Variants in MAN1A2 observed in about 807,000 individuals in gnomAD.
MAN1A2 encodes the protein mannosyl-oligosaccharide 1,2-alpha-mannosidase IB.
A neutral mutation model predicts 75.7 loss-of-function variants in MAN1A2; 26 were observed. The observed-to-expected ratio is 0.34, with a 90% CI of 0.25 to 0.48. MAN1A2 has a LOEUF of 0.48. Among genes scored for constraint, MAN1A2 ranks in the 20% least tolerant of loss-of-function variants. The probability of loss-of-function intolerance (pLI) is 0.99; values close to 1 mark genes in which losing one functional copy is unlikely to be tolerated. For synonymous variants in MAN1A2, 247 were observed against 264.6 expected (o/e 0.93, Z 0.65); for missense variants, 562 against 775.5 (o/e 0.72, Z 3.27).
At chr1:117,446,590 G>A (rs1160011579) in intron 6 of MAN1A2, among the ~76,000 whole-genome samples, 2 of 151,874 alleles carry the variant, frequency 1.3e-5, no homozygotes, top group South Asian at 2.1e-4. Context: ...ATTTTAGGAC[G>A]TTTCTTAGAT....
chr1:117,377,368 G>T (rs1034110396), intron 1 of MAN1A2, among the ~76,000 whole-genome samples: 2 of 152,196 alleles, frequency 1.3e-5, no homozygotes, highest in African/African-American at 4.8e-5. Context: ...AGTGCCGTTG[G>T]TGTAAATGTA....
chr1:117,443,067 T>G (rs763065472), intron 6 of MAN1A2, among the ~76,000 whole-genome samples: 2 of 152,218 alleles, frequency 1.3e-5, no homozygotes, highest in Non-Finnish European at 2.9e-5. Flanking sequence ...TAGTAAAATT[T>G]ATTCATCATA....
intron 1 of MAN1A2, among the ~76,000 whole-genome samples, chr1:117,369,195 G>A (rs960729514): frequency 4.6e-5 from 7 of 152,182 alleles, no homozygotes; most frequent in Admixed American, 6.5e-5. Context: ...TAGATGGACT[G>A]TGTCAAGCAA....
chr1:117,374,190 C>T (rs947367756), intron 1 of MAN1A2, among the ~76,000 whole-genome samples: 11 of 151,802 alleles, frequency 7.2e-5, no homozygotes, highest in Admixed American at 1.3e-4. Context: ...TGCCTGTAGT[C>T]GGAGGCTGAG....
At position 117,523,029 on chromosome 1, in the gene MAN1A2, G is replaced by C; in HGVS notation, c.*72G>C. 6.4e-7 allele frequency: 1 copy of C among 1,569,322 alleles called. No homozygotes were observed. The highest frequency in any genetic ancestry group is 1.1e-5 in the South Asian group (1 of 88,666). ...ACCACTACAGAAATTAGTTTGAAGG[G>C]GCGGCTTTTGAAAACCTGGACCTCT... On this transcript the variant is annotated 3_prime_UTR_variant, in exon 13 of 13. Transcript: ENST00000356554.
chr1:117,500,554 C>T (rs1651169448), intron 11 of MAN1A2, among the ~76,000 whole-genome samples: 1 of 151,708 alleles, frequency 6.6e-6, no homozygotes, highest in African/African-American at 2.4e-5. Flanking sequence ...ACAGCCATAA[C>T]CTAGGAATAA....
In MAN1A2 at chr1:117,376,488, C is replaced by T. The variant is rs151014689; in HGVS notation, c.302+8003C>T. Among the ~76,000 whole-genome samples, 632 of 152,370 alleles carry T rather than the reference C, an allele frequency of 4.1e-3. 1 individual carries two copies. The highest frequency in any genetic ancestry group is 0.012 in the African/African-American group (508 of 41,584). The stretch of plus-strand genomic sequence containing the variant: ...AAAGGCTCGCGCCAAGGCTCGCTCA[C>T]GCCCAGAGAGTAAAGCCATGTTGAA... On this transcript the variant is annotated intron_variant, in intron 1 of 12. Transcript: ENST00000356554.
Position 117,441,576 on chromosome 1 carries a change from A to C in MAN1A2, c.856-655A>C, listed in dbSNP as rs531452110. 8.1e-4 allele frequency among the ~76,000 whole-genome samples: 124 copies of C among 152,300 alleles called. 2 individuals are homozygous for C. Among genetic ancestry groups the C allele is most frequent in the Non-Finnish European group, 1.4e-3 (92 of 68,002 alleles). The stretch of plus-strand genomic sequence containing the variant: ...TATTGGGATATACTAAGAAAATAGT[A>C]GAAATTTTTCTATATACATCTTGAT... On this transcript the variant is annotated intron_variant, in intron 5 of 12. Transcript: ENST00000356554.
In MAN1A2 at chr1:117,414,676, A is replaced by G. The variant is rs369496872; in HGVS notation, c.656-37A>G. 17 of 1,045,562 alleles carry G rather than the reference A, an allele frequency of 1.6e-5. No homozygotes were observed. In the African/African-American group the frequency reaches 2.3e-4, roughly 14 times the overall value. The allele number at this position is 1,045,562 out of a possible 1,614,324, so 64.8% of individuals were successfully genotyped here. On this transcript the variant is annotated intron_variant, in intron 3 of 12. Transcript: ENST00000356554. Reference sequence around the variant, plus strand: ...CCAAAGAGAACAGGAACCTAAAGGGATCTTTTTAATGATAATTTTTTTCTT... The same window carrying G: ...CCAAAGAGAACAGGAACCTAAAGGGGTCTTTTTAATGATAATTTTTTTCTT...
chr1:117,433,970 A>G (rs1359901443), intron 5 of MAN1A2, among the ~76,000 whole-genome samples: 1 of 152,184 alleles, frequency 6.6e-6, no homozygotes, highest in Non-Finnish European at 1.5e-5. Flanking sequence ...ATTATATGGC[A>G]TTTGCAGCAG....
intron 1 of MAN1A2, among the ~76,000 whole-genome samples, chr1:117,399,340 A>G (rs779963749): frequency 1.3e-5 from 2 of 152,182 alleles, no homozygotes; most frequent in African/African-American, 4.8e-5. Context: ...ACTTGGGGAT[A>G]ATGTGGTACG....
chr1:117,496,703 A>G (rs1302284615), intron 9 of MAN1A2, 60 bp from the exon 10 acceptor site: 15 of 1,201,354 alleles, frequency 1.2e-5, no homozygotes, highest in African/African-American at 9.1e-5. Flanking sequence ...AGAAGGATAT[A>G]GTAAGTTTGA....
intron 1 of MAN1A2, among the ~76,000 whole-genome samples, chr1:117,401,293 T>A (rs1051460062): frequency 1.3e-5 from 2 of 152,194 alleles, no homozygotes; most frequent in Non-Finnish European, 2.9e-5. Flanking sequence ...TACACCATTT[T>A]ACATTCTCAC....
At chr1:117,512,900 C>T (rs1183130418) in intron 12 of MAN1A2, among the ~76,000 whole-genome samples, 1 of 152,150 alleles carries the variant, frequency 6.6e-6, no homozygotes, top group Middle Eastern at 3.4e-3. Flanking sequence ...GTAGAGGGAG[C>T]TACAACCCAA....
intron 5 of MAN1A2, among the ~76,000 whole-genome samples, chr1:117,427,857 G>C (rs1648427438): frequency 6.6e-6 from 1 of 152,120 alleles, no homozygotes; most frequent in African/African-American, 2.4e-5. Context: ...AAAAACCATA[G>C]CATTTTATAT....
intron 8 of MAN1A2, among the ~76,000 whole-genome samples, chr1:117,473,898 A>G (rs1650236539): frequency 6.6e-6 from 1 of 152,054 alleles, no homozygotes; most frequent in Non-Finnish European, 1.5e-5. Flanking sequence ...AAGGTAGAGC[A>G]GTAGGGGACT....
At chr1:117,406,526 T>C (rs1647621641) in intron 3 of MAN1A2, among the ~76,000 whole-genome samples, 1 of 152,148 alleles carries the variant, frequency 6.6e-6, no homozygotes, top group Non-Finnish European at 1.5e-5. Context: ...TTCTTATAAT[T>C]TGTTCATTGT....
chr1:117,513,152 G>C (rs890847375), intron 12 of MAN1A2, among the ~76,000 whole-genome samples: 1 of 152,062 alleles, frequency 6.6e-6, no homozygotes, highest in Non-Finnish European at 1.5e-5. Flanking sequence ...TGTCACTATA[G>C]GTTGCTGCTT....
At chr1:117,397,217 G>T (rs917596131) in intron 1 of MAN1A2, among the ~76,000 whole-genome samples, 1 of 151,870 alleles carries the variant, frequency 6.6e-6, no homozygotes, top group African/African-American at 2.4e-5. Context: ...GCTTGTTGAG[G>T]AACAAATAAA....
Sources: allele counts gnomAD v4.1 joint callset (sites outside exome capture counted in the v4.1 genomes callset), GRCh38; gene constraint gnomAD v4.1.1; transcripts MANE v1.5; gene names NCBI Gene and HGNC (gene_info 2026-07-23, HGNC 2026-07-21).